Variants in SPG11 observed in about 807,000 individuals in gnomAD.
The protein encoded by SPG11 is spatacsin.
In SPG11, 222 loss-of-function variants were observed where a neutral mutation model predicts 274.0. The ratio of observed to expected loss-of-function variants is 0.81; its 90% CI spans 0.73 to 0.91. The LOEUF (loss-of-function observed/expected upper bound fraction) is 0.91, where lower values mean the gene tolerates loss of function less well. Ranked by LOEUF, SPG11 falls within the 40% of genes least tolerant of loss-of-function variation. The pLI is 0.00. For synonymous variants in SPG11, 1,144 were observed against 1,039.7 expected (o/e 1.10, Z -1.93); for missense variants, 3,114 against 2,872.7 (o/e 1.08, Z -1.92).
chr15:44,611,009 T>C (rs987332124), intron 17 of SPG11, 24 bp from the exon 18 acceptor site: 23 of 1,611,748 alleles, frequency 1.4e-5, no homozygotes, highest in Non-Finnish European at 2.0e-5. Context: ...GACAGTGTTT[T>C]TCTCCTTAAG....
rs2082919025 is a variant in SPG11 at position 44,592,238 on chromosome 15, G to A, written c.4743+93C>T. The A allele has an allele frequency of 3.0e-5, 23 of 777,956 alleles. No individual in the cohort carries two copies. The South Asian group carries it at 3.1e-4, about 10-fold the overall frequency. 48.2% of individuals were successfully genotyped at this position (777,956 alleles called of 1,614,324 possible). On this transcript the variant is annotated intron_variant, in intron 27 of 39. Coordinates refer to ENST00000261866, the MANE Select transcript of SPG11 (RefSeq NM_025137.4). ...CGTAACACTGTGCCTGAGTAACCGA[G>A]TGAGACACCAAGTCTTTAAACAAAA...
Position 44,640,001 on chromosome 15 carries a change from G to C in SPG11, c.1603-6364C>G, listed in dbSNP as rs1428974873. Among the ~76,000 whole-genome samples, 13 of 152,248 alleles carry C rather than the reference G, an allele frequency of 8.5e-5. No homozygotes were observed. In the East Asian group the frequency reaches 2.5e-3, roughly 29 times the overall value. Reference sequence around the variant, plus strand: ...CGAGGCAGGCAGATTATGAGGTCAAGAGATCGAGACCAGCCTGGCTAACAC... The same window carrying C: ...CGAGGCAGGCAGATTATGAGGTCAACAGATCGAGACCAGCCTGGCTAACAC... On this transcript the variant is annotated intron_variant, in intron 7 of 39. Transcript: ENST00000261866.
At position 44,589,256 on chromosome 15, in the gene SPG11, A is replaced by G; in HGVS notation, c.4902T>C (p.Ser1634=). 1 of 1,613,818 alleles carries G rather than the reference A, an allele frequency of 6.2e-7. No individual in the cohort carries two copies. Among genetic ancestry groups the G allele is most frequent in the Non-Finnish European group, 8.5e-7 (1 of 1,179,930 alleles). ...TAACTGTAAGGATTGTCTTACCATC[A>G]GAGAAGAGATGCTCTCTTTCAACAA... is the stretch of plus-strand genomic sequence containing the variant. ...QLFVEREHLF[S]DGPDVKKLCI... The change falls in exon 28 of 40, where the codon TCT becomes TCC. Residue 1634 remains serine, a synonymous_variant. Coordinates refer to ENST00000261866, the MANE Select transcript of SPG11 (RefSeq NM_025137.4).
chr15:44,618,449 GGAGCT>G (rs1334491284), intron 15 of SPG11, among the ~76,000 whole-genome samples: 2 of 145,294 alleles, frequency 1.4e-5, no homozygotes, highest in Non-Finnish European at 3.0e-5. Flanking sequence ...CCTGGGAGGC[GGAGCT>G]TGCAGTGAGC....
chr15:44,605,480 G>C (rs765342947), intron 20 of SPG11, among the ~76,000 whole-genome samples: 4 of 152,070 alleles, frequency 2.6e-5, no homozygotes, highest in Non-Finnish European at 5.9e-5. Context: ...AGATAAAAGA[G>C]AAATAGAAAA....
intron 31 of SPG11, among the ~76,000 whole-genome samples, chr15:44,574,037 CTT>C (rs1287759924): frequency 6.6e-6 from 1 of 152,230 alleles, no homozygotes; most frequent in East Asian, 1.9e-4. Flanking sequence ...GAGTTTCACT[CTT>C]GTTGCCCAGG....
intron 17 of SPG11, 103 bp from the exon 18 acceptor site, chr15:44,611,088 CAGT>C: frequency 4.6e-5 from 3 of 65,770 alleles, no homozygotes; most frequent in Non-Finnish European, 7.8e-5. Flanking sequence ...ACTCTATCCC[CAGT>C]AAAAAAAAAA....
At position 44,563,210 on chromosome 15, in the gene SPG11, C is replaced by T; in HGVS notation, c.7243G>A (p.Ala2415Thr). The T allele has an allele frequency of 6.2e-7, 1 of 1,614,068 alleles. No individual in the cohort carries two copies. Among genetic ancestry groups the T allele is most frequent in the Non-Finnish European group, 8.5e-7 (1 of 1,179,952 alleles). ...CEDVYLYYKL[A>T]YEHKFYEIVN... The stretch of plus-strand genomic sequence containing the variant: ...ATTTCATAAAACTTGTGTTCGTATG[C>T]CAACTTGTAATACAGGTAAACATCT... The change falls in exon 40 of 40, where the codon GCA (alanine) becomes ACA (threonine). Residue 2415 changes from alanine (A) to threonine (T), a missense_variant. By Grantham distance (58) the Ala-to-Thr change is moderately conservative. Transcript: ENST00000261866.
At chr15:44,582,076 G>A (rs2082668354) in intron 30 of SPG11, among the ~76,000 whole-genome samples, 1 of 152,178 alleles carries the variant, frequency 6.6e-6, no homozygotes, top group Non-Finnish European at 1.5e-5. Context: ...AATTGAATTT[G>A]TGGTTTAAAA....
Position 44,650,103 on chromosome 15 carries a change from C to G in SPG11, c.1457-1092G>C, listed in dbSNP as rs776461773. Among the ~76,000 whole-genome samples, 353 of 152,234 alleles carry G rather than the reference C, an allele frequency of 2.3e-3. 1 individual carries two copies. Among genetic ancestry groups the G allele is most frequent in the Non-Finnish European group, 2.2e-3 (150 of 68,012 alleles). On this transcript the variant is annotated intron_variant, in intron 6 of 39. Coordinates refer to ENST00000261866, the MANE Select transcript of SPG11 (RefSeq NM_025137.4). Reference sequence around the variant, plus strand: ...GGTTAATTCCAATAATCACAACATTCAATACCTTTGCAGAAGATGAATTAT... The same window carrying G: ...GGTTAATTCCAATAATCACAACATTGAATACCTTTGCAGAAGATGAATTAT...
At position 44,618,509 on chromosome 15, in the gene SPG11, T is replaced by C. The variant is rs1244288337; in HGVS notation, c.2834+1681A>G. Among the ~76,000 whole-genome samples, 4 of 86,726 alleles carry C rather than the reference T, an allele frequency of 4.6e-5. No individual in the cohort carries two copies. The Admixed American group carries it at 5.0e-4, about 11-fold the overall frequency. 56.9% of individuals were successfully genotyped at this position (86,726 alleles called of 152,430 possible). ...TCCATCCTGGGCGACAGAGTGAGACTCCATCTCAAAAAAAAAAAAAAAAAA... is the reference window on the plus strand; with the variant it reads ...TCCATCCTGGGCGACAGAGTGAGACCCCATCTCAAAAAAAAAAAAAAAAAA... On this transcript the variant is annotated intron_variant, in intron 15 of 39. Coordinates refer to ENST00000261866, the MANE Select transcript of SPG11 (RefSeq NM_025137.4).
intron 21 of SPG11, 56 bp from the exon 22 acceptor site, chr15:44,598,892 G>A (rs1417923071): frequency 1.3e-6 from 2 of 1,538,144 alleles, no homozygotes; most frequent in African/African-American, 2.7e-5. Flanking sequence ...GTCTCACCAG[G>A]AAAAGCAAAT....
chr15:44,648,754 G>C (rs1402276660), intron 7 of SPG11, 112 bp downstream of exon 7: 2 of 1,216,658 alleles, frequency 1.6e-6, no homozygotes, highest in Non-Finnish European at 2.4e-6. Flanking sequence ...ATATACAAAG[G>C]CTATAGTTCT....
At position 44,572,670 on chromosome 15, in the gene SPG11, G is replaced by T; in HGVS notation, c.6343+13C>A. Reference sequence around the variant, plus strand: ...TAGGGCCAAAATATGTAAGAAAAAGGTCAATAACTTACTGCAAGACAGTTC... The same window carrying T: ...TAGGGCCAAAATATGTAAGAAAAAGTTCAATAACTTACTGCAAGACAGTTC... On this transcript the variant is annotated intron_variant, in intron 33 of 39. Coordinates refer to ENST00000261866, the MANE Select transcript of SPG11 (RefSeq NM_025137.4). 6.2e-7 allele frequency: 1 copy of T among 1,614,072 alleles called. No homozygotes were observed. The highest frequency in any genetic ancestry group is 8.5e-7 in the Non-Finnish European group (1 of 1,179,976).
intron 1 of SPG11, among the ~76,000 whole-genome samples, chr15:44,663,142 T>G (rs1404584790): frequency 6.6e-6 from 1 of 152,218 alleles, no homozygotes; most frequent in African/African-American, 2.4e-5. Context: ...GCAATGGAGC[T>G]GGGTGCCGTC....
At chr15:44,564,462 T>A in intron 39 of SPG11, 85 bp downstream of exon 39, 1 of 1,349,478 alleles carries the variant, frequency 7.4e-7, no homozygotes, top group Non-Finnish European at 1.1e-6. Flanking sequence ...AAAGGCATGG[T>A]GTACTTAGCC....
rs759926176 is a variant in SPG11 at position 44,628,861 on chromosome 15, T to A, written c.1892-17A>T. The A allele has an allele frequency of 6.2e-7, 1 of 1,607,486 alleles. No individual in the cohort carries two copies. Among genetic ancestry groups the A allele is most frequent in the Non-Finnish European group, 8.5e-7 (1 of 1,175,942 alleles). On this transcript the variant is annotated splice_polypyrimidine_tract_variant and intron_variant, in intron 9 of 39. Transcript: ENST00000261866. ...CATCTAGTTCTATGGAAAATACCAA[T>A]GTGCCAATTTGTGTGTGTGTGTGTA... is the stretch of plus-strand genomic sequence containing the variant.
chr15:44,573,907 C>G (rs1253983153), intron 31 of SPG11, 162 bp from the exon 32 acceptor site: 1 of 671,724 alleles, frequency 1.5e-6, no homozygotes, highest in African/African-American at 1.8e-5. Flanking sequence ...GTTTTCTAAC[C>G]CTTTCTATCA....
chr15:44,608,453 G>C lies in SPG11; in HGVS notation c.3444C>G (p.His1148Gln), dbSNP rs1203720300. 6.2e-7 allele frequency: 1 copy of C among 1,614,110 alleles called. No homozygotes were observed. Among genetic ancestry groups the C allele is most frequent in the East Asian group, 2.2e-5 (1 of 44,868 alleles). ...CACCTAAATACTGTACCTGAATAAG[G>C]TGGTAGATTGTAATATCAGATGGCA... ...SVLPSDITIY[H>Q]LIQSLSPFDP... The change falls in exon 19 of 40, where the codon CAC becomes CAG. Residue 1148 changes from histidine (H) to glutamine (Q), a missense_variant. Physicochemically the swap from His to Gln is conservative, Grantham distance 24. Coordinates refer to ENST00000261866, the MANE Select transcript of SPG11 (RefSeq NM_025137.4).
Sources: gnomAD v4.1 joint callset for allele counts (sites outside exome capture counted in the v4.1 genomes callset) on GRCh38, gnomAD v4.1.1 for gene constraint, MANE v1.5 for transcripts, NCBI Gene and HGNC (gene_info 2026-07-23, HGNC 2026-07-21) for gene names.